Variants in TMEM232 observed in about 807,000 individuals in gnomAD.
The protein encoded by TMEM232 is transmembrane protein 232.
A neutral mutation model predicts 78.8 loss-of-function variants in TMEM232; 80 were observed. The ratio of observed to expected loss-of-function variants is 1.01; its 90% confidence interval spans 0.85 to 1.22. TMEM232 has a LOEUF of 1.22. Among genes scored for constraint, TMEM232 ranks in the 50% most tolerant of loss-of-function variants. TMEM232 has a pLI of 0.00. For missense variants in TMEM232, 881 were observed against 742.2 expected (o/e 1.19, Z -2.17); for synonymous variants, 297 against 254.3 (o/e 1.17, Z -1.60).
In TMEM232 at chr5:110,606,260, G is replaced by A; in HGVS notation, c.930C>T (p.Val310=). 6.5e-7 allele frequency: 1 copy of A among 1,543,184 alleles called. No individual in the cohort carries two copies. The highest frequency in any genetic ancestry group is 2.0e-5 in the Admixed American group (1 of 50,854). ...TGTTTAATTTGGCAGCCTCCCCAAGGACCAGTAAAGCCAGTACTGAATCCA... is the reference window on the plus strand; with the variant it reads ...TGTTTAATTTGGCAGCCTCCCCAAGAACCAGTAAAGCCAGTACTGAATCCA... ...CWLDSVLALL[V]LGEAAKLNMA... The change falls in exon 9 of 14, where the codon GTC becomes GTT. Residue 310 remains valine, a synonymous_variant. Coordinates refer to ENST00000455884, the MANE Select transcript of TMEM232 (RefSeq NM_001039763.4).
At chr5:110,555,927 T>A (rs1775021784) in intron 11 of TMEM232, among the ~76,000 whole-genome samples, 1 of 152,176 alleles carries the variant, frequency 6.6e-6, no homozygotes, top group African/African-American at 2.4e-5. Flanking sequence ...AGGTCTTTCT[T>A]CTTTATCCAA....
chr5:110,524,399 G>GAAAAGA (rs1561623759), intron 12 of TMEM232, among the ~76,000 whole-genome samples: 1 of 71,894 alleles, frequency 1.4e-5, no homozygotes, highest in African/African-American at 7.6e-5. Flanking sequence ...AAGAAAGAAA[G>GAAAAGA]AAAGAAAGAA....
intron 12 of TMEM232, among the ~76,000 whole-genome samples, chr5:110,521,922 AGATT>A (rs1004487957): frequency 2.0e-4 from 30 of 152,156 alleles, no homozygotes; most frequent in African/African-American, 6.3e-4. Context: ...TTCCTTCTCA[AGATT>A]GATTTGGCTA....
intron 11 of TMEM232, among the ~76,000 whole-genome samples, chr5:110,551,672 A>T (rs1400727600): frequency 6.6e-6 from 1 of 152,206 alleles, no homozygotes; most frequent in African/African-American, 2.4e-5. Flanking sequence ...ATGTTGAGCA[A>T]TAAAAATACA....
chr5:110,568,873 A>C (rs1776619907), intron 10 of TMEM232, among the ~76,000 whole-genome samples: 2 of 151,974 alleles, frequency 1.3e-5, no homozygotes, highest in African/African-American at 4.8e-5. Flanking sequence ...ATACTTCATA[A>C]ATTTAAAAGT....
Position 110,460,631 on chromosome 5 carries a change from G to A in TMEM232, c.1704-35715C>T, listed in dbSNP as rs142298535. Among the ~76,000 whole-genome samples, 9 of 149,758 alleles carry A rather than the reference G, an allele frequency of 6.0e-5. No homozygotes were observed. The South Asian group carries it at 1.1e-3, about 18-fold the overall frequency. ...TACTATAGGCATATTTCATTTTCTC[G>A]TGCTTTGCTTTATTGAATTGCACAG... On this transcript the variant is annotated intron_variant, in intron 12 of 13. Transcript: ENST00000455884.
chr5:110,537,037 C>G (rs902995114), intron 11 of TMEM232, among the ~76,000 whole-genome samples: 1 of 152,098 alleles, frequency 6.6e-6, no homozygotes, highest in Non-Finnish European at 1.5e-5. Context: ...GTGAATGCCC[C>G]TGGGGACTCC....
intron 2 of TMEM232, among the ~76,000 whole-genome samples, chr5:110,665,747 C>T (rs940105268): frequency 4.6e-5 from 7 of 151,950 alleles, no homozygotes; most frequent in South Asian, 4.2e-4. Flanking sequence ...CAGACTTATA[C>T]TATACATGAG....
chr5:110,586,914 A>G (rs561260570), intron 10 of TMEM232, among the ~76,000 whole-genome samples: 9 of 152,188 alleles, frequency 5.9e-5, no homozygotes, highest in Non-Finnish European at 1.3e-4. Context: ...AAAAGAACAC[A>G]GTAATTGAGC....
chr5:110,469,949 G>GT (rs1762491659), intron 12 of TMEM232, among the ~76,000 whole-genome samples: 1 of 152,112 alleles, frequency 6.6e-6, no homozygotes, highest in African/African-American at 2.4e-5. Flanking sequence ...TTGCCAAAGA[G>GT]TGGAGTCATT....
intron 1 of TMEM232, among the ~76,000 whole-genome samples, chr5:110,683,089 C>G (rs1015960134): frequency 6.6e-6 from 1 of 152,024 alleles, no homozygotes; most frequent in Non-Finnish European, 1.5e-5. Context: ...ACCTTACTAT[C>G]CAAGTGGAAA....
intron 1 of TMEM232, among the ~76,000 whole-genome samples, chr5:110,712,105 C>CAAAA (rs61482697): frequency 9.2e-5 from 6 of 65,414 alleles, no homozygotes; most frequent in Non-Finnish European, 1.4e-4. Flanking sequence ...GACTCAATCT[C>CAAAA]AAAAAAAAAA....
chr5:110,441,514 T>C (rs1320272219), intron 12 of TMEM232, among the ~76,000 whole-genome samples: 2 of 152,188 alleles, frequency 1.3e-5, no homozygotes, highest in African/African-American at 4.8e-5. Flanking sequence ...CTAGAACTCA[T>C]GCCCTTGTGT....
intron 10 of TMEM232, among the ~76,000 whole-genome samples, chr5:110,584,568 C>T (rs1164370584): frequency 2.0e-5 from 3 of 152,032 alleles, no homozygotes; most frequent in African/African-American, 7.2e-5. Flanking sequence ...TTCTAGAGAT[C>T]TGCTGTAAAA....
intron 12 of TMEM232, among the ~76,000 whole-genome samples, chr5:110,439,450 C>G (rs1758790659): frequency 6.6e-6 from 1 of 151,982 alleles, no homozygotes; most frequent in South Asian, 2.1e-4. Context: ...CATCTACAGC[C>G]TGGGCAATTA....
intron 1 of TMEM232, among the ~76,000 whole-genome samples, chr5:110,726,214 A>T (rs1162576674): frequency 6.6e-6 from 1 of 152,030 alleles, no homozygotes; most frequent in Non-Finnish European, 1.5e-5. Context: ...AATAAATAAA[A>T]ATCAAAAAGG....
At chr5:110,459,726 T>C (rs73220739) in intron 12 of TMEM232, among the ~76,000 whole-genome samples, 3,699 of 152,210 alleles carry the variant, frequency 0.024, 110 homozygotes, top group African/African-American at 0.067. Flanking sequence ...TAAGGGAATA[T>C]AGAGTAACTT....
intron 12 of TMEM232, among the ~76,000 whole-genome samples, chr5:110,439,077 A>G (rs1460931590): frequency 6.6e-6 from 1 of 152,184 alleles, no homozygotes; most frequent in Non-Finnish European, 1.5e-5. Context: ...GTCATACCTG[A>G]CTATAGTTCA....
chr5:110,692,622 G>C (rs752068893), intron 1 of TMEM232, among the ~76,000 whole-genome samples: 2 of 152,306 alleles, frequency 1.3e-5, no homozygotes, highest in Non-Finnish European at 1.5e-5. Context: ...CTTTTCCAAC[G>C]GGCTTAACAA....
Sources: gnomAD v4.1 joint callset for allele counts (sites outside exome capture counted in the v4.1 genomes callset) on GRCh38, gnomAD v4.1.1 for gene constraint, MANE v1.5 for transcripts, NCBI Gene and HGNC (gene_info 2026-07-23, HGNC 2026-07-21) for gene names.